Variants in MTMR11 observed in about 807,000 individuals in gnomAD.
MTMR11 encodes myotubularin-related protein 11.
In MTMR11, 89 loss-of-function variants were observed where a neutral mutation model predicts 100.0. The observed-to-expected ratio is 0.89, with a 90% CI of 0.75 to 1.06. The LOEUF (loss-of-function observed/expected upper bound fraction) is 1.06, where lower values mean the gene tolerates loss of function less well. Among genes scored for constraint, MTMR11 ranks in the 50% least tolerant of loss-of-function variants. The pLI is 0.00. For missense variants in MTMR11, 809 were observed against 873.7 expected (o/e 0.93, Z 0.93); for synonymous variants, 336 against 326.3 (o/e 1.03, Z -0.32).
rs112056293 is a variant in MTMR11, at chr1:149,929,956, G to A, written c.1648-40C>T. 4,605 of 1,577,352 alleles carry A rather than the reference G, an allele frequency of 2.9e-3. 91 individuals carry two copies. In the African/African-American group the frequency reaches 0.043, roughly 15 times the overall value. On this transcript the variant is annotated intron_variant, in intron 15 of 16. Transcript: ENST00000439741. ...AAATCAACTGGCAACAGAGAGACCA[G>A]ATAACCCTAGTTTCCCCAATCTGGA...
chr1:149,932,092 G>T, intron 11 of MTMR11, 78 bp from the exon 12 acceptor site: 1 of 1,443,924 alleles, frequency 6.9e-7, no homozygotes, highest in African/African-American at 1.4e-5. Flanking sequence ...GTCATGGGAT[G>T]GAATAAGGCC....
At chr1:149,930,175 G>A in intron 15 of MTMR11, 190 bp downstream of exon 15, 1 of 690,400 alleles carries the variant, frequency 1.4e-6, no homozygotes, top group Non-Finnish European at 2.4e-6. Context: ...GGACAAAAAG[G>A]GTGCCCTCTG....
intron 7 of MTMR11, 109 bp downstream of exon 7, chr1:149,934,082 T>C: frequency 6.4e-7 from 1 of 1,568,840 alleles, no homozygotes; most frequent in Non-Finnish European, 8.7e-7. Context: ...GAGATAGCTT[T>C]GTGGGTGTCC....
In MTMR11 at chr1:149,932,706, G is replaced by T. The variant is rs147657056; in HGVS notation, c.986-376C>A. Among the ~76,000 whole-genome samples the T allele has an allele frequency of 7.2e-5, 11 of 152,202 alleles. No homozygotes were observed. In the East Asian group the frequency reaches 2.1e-3, roughly 30 times the overall value. ...TGTGCCTGTAATCCCAGCGCTTTAG[G>T]AGGCCTTGGTGGGTGGATCATCTGA... is the stretch of plus-strand genomic sequence containing the variant. On this transcript the variant is annotated intron_variant, in intron 10 of 16. Coordinates refer to ENST00000439741, the MANE Select transcript of MTMR11 (RefSeq NM_001145862.2).
Position 149,933,664 on chromosome 1 carries a change from A to T in MTMR11, c.806T>A (p.Leu269His). 2.5e-6 allele frequency: 4 copies of T among 1,614,240 alleles called. No homozygotes were observed. In the South Asian group the frequency reaches 4.4e-5, roughly 18 times the overall value. The change falls in exon 9 of 17, where the codon CTT becomes CAT. Residue 269 changes from leucine (L) to histidine (H), a missense_variant. Coordinates refer to ENST00000439741, the MANE Select transcript of MTMR11 (RefSeq NM_001145862.2). ...LSWHHPGGSD[L>H]LRCGGFYTAS... ...TGTATAGAAGCCTCCACAGCGGAGA[A>T]GATCACTGCCCCCAGGGTGATGCCA...
Position 149,930,565 on chromosome 1 carries a change from G to A in MTMR11, c.1465-18C>T. The A allele has an allele frequency of 6.3e-7, 1 of 1,591,010 alleles. No homozygotes were observed. The highest frequency in any genetic ancestry group is 8.6e-7 in the Non-Finnish European group (1 of 1,165,448). ...GAGTTTAACTGGACAGAGGAAGCAA[G>A]AAAAAGGATGGTTACACACAATCCT... is the stretch of plus-strand genomic sequence containing the variant. On this transcript the variant is annotated intron_variant, in intron 14 of 16. Transcript: ENST00000439741.
chr1:149,933,521 C>A lies in MTMR11; in HGVS notation c.870G>T (p.Glu290Asp). The A allele has an allele frequency of 6.2e-7, 1 of 1,614,118 alleles. No homozygotes were observed. Among genetic ancestry groups the A allele is most frequent in the Middle Eastern group, 1.7e-4 (1 of 6,058 alleles). The stretch of plus-strand genomic sequence containing the variant: ...CTGAATGCCCAGCCTGGAGCATCAA[C>A]TCCACTGCTCTGGAGGGGAGGGAGT... ...DPNKEDIRAV[E>D]LMLQAGHSDV... Residue 290 changes from glutamate to aspartate, a missense_variant, in exon 10 of 17, where the codon GAG becomes GAT. Coordinates refer to ENST00000439741, the MANE Select transcript of MTMR11 (RefSeq NM_001145862.2).
chr1:149,931,457 A>C (rs890285805), intron 12 of MTMR11, 31 bp from the exon 13 acceptor site: 4 of 1,546,514 alleles, frequency 2.6e-6, no homozygotes, highest in Non-Finnish European at 3.5e-6. Context: ...AGGGACAAAG[A>C]AGAGGGGTCC....
chr1:149,932,061 G>A, intron 11 of MTMR11, 47 bp from the exon 12 acceptor site: 1 of 1,547,844 alleles, frequency 6.5e-7, no homozygotes, highest in Non-Finnish European at 8.9e-7. Context: ...TAAGCCTAGG[G>A]GAATGGAGTG....
intron 16 of MTMR11, 95 bp downstream of exon 16, chr1:149,929,528 C>A (rs2092626744): frequency 4.9e-6 from 7 of 1,434,420 alleles, no homozygotes; most frequent in Non-Finnish European, 6.6e-6. Context: ...CCCAGACTCC[C>A]AGAGGCTTCA....
Position 149,930,867 on chromosome 1 carries a change from A to C in MTMR11, c.1389T>G (p.His463Gln). ...GGGTGTCAGGAACCCTGACACTGTC[A>C]TGAAGAGCAAGAAGGAAAAACTCAG... ...EFSEFFLLALHDSVRVPDTLT... is the reference protein window; with the variant it reads ...EFSEFFLLALQDSVRVPDTLT... The change falls in exon 14 of 17, where the codon CAT becomes CAG. Residue 463 changes from histidine to glutamine, a missense_variant. His to Gln is a conservative substitution (Grantham distance 24). Coordinates refer to ENST00000439741, the MANE Select transcript of MTMR11 (RefSeq NM_001145862.2). The C allele has an allele frequency of 6.2e-7, 1 of 1,613,476 alleles. No homozygotes were observed. Among genetic ancestry groups the C allele is most frequent in the Non-Finnish European group, 8.5e-7 (1 of 1,179,746 alleles).
Position 149,936,234 on chromosome 1 carries a change from G to A in MTMR11, c.67-5C>T. 2 of 1,613,334 alleles carry A rather than the reference G, an allele frequency of 1.2e-6. No individual in the cohort carries two copies. The highest frequency in any genetic ancestry group is 1.7e-6 in the Non-Finnish European group (2 of 1,179,978). On this transcript the variant is annotated splice_region_variant and splice_polypyrimidine_tract_variant and intron_variant, in intron 1 of 16. Transcript: ENST00000439741. Reference sequence around the variant, plus strand: ...CATCCTATTTTCCTGGACAGACTTTGGTCCAGAGGGTTGAGGGGGGTCTAG... The same window carrying A: ...CATCCTATTTTCCTGGACAGACTTTAGTCCAGAGGGTTGAGGGGGGTCTAG...
At chr1:149,934,664 T>G in intron 5 of MTMR11, 138 bp from the exon 6 acceptor site, 1 of 933,616 alleles carries the variant, frequency 1.1e-6, no homozygotes, top group Non-Finnish European at 1.6e-6. Context: ...GAAGGGGGCT[T>G]CCTCAGGTCA....
At chr1:149,935,477 G>GATACATTCA in intron 3 of MTMR11, 107 bp downstream of exon 3, 1 of 1,574,690 alleles carries the variant, frequency 6.4e-7, no homozygotes, top group South Asian at 1.1e-5. Context: ...GATTATCAAT[G>GATACATTCA]ATACATTCAA....
At chr1:149,936,127 CTT>C (rs1366434533) in intron 2 of MTMR11, 25 bp downstream of exon 2, 2 of 1,599,960 alleles carry the variant, frequency 1.3e-6, no homozygotes, top group Non-Finnish European at 1.7e-6. Context: ...ATTTGGAAGT[CTT>C]TGGAGAGTGA....
chr1:149,935,955 A>G (rs782118274), intron 2 of MTMR11, among the ~76,000 whole-genome samples, 199 bp downstream of exon 2: 4 of 152,344 alleles, frequency 2.6e-5, no homozygotes, highest in Non-Finnish European at 4.4e-5. Flanking sequence ...GAAAAGGGGT[A>G]ACAGGGTCAA....
chr1:149,930,016 G>T, intron 15 of MTMR11, 100 bp from the exon 16 acceptor site: 2 of 1,243,442 alleles, frequency 1.6e-6, no homozygotes, highest in Non-Finnish European at 2.2e-6. Context: ...CCCACTCACT[G>T]CACTGGTGAC....
chr1:149,930,473 C>G lies in MTMR11; in HGVS notation c.1539G>C (p.Leu513=). The G allele has an allele frequency of 1.2e-6, 2 of 1,614,056 alleles. No homozygotes were observed. The highest frequency in any genetic ancestry group is 1.7e-6 in the Non-Finnish European group (2 of 1,179,954). ...PPAGNSFNLQ[L]SVWDWDLRYS... is the part of the protein sequence containing the mutation. ...AACGTAAATCCCAGTCCCAGACAGA[C>G]AGCTGCAGGTTAAAAGAGTTCCCAG... Residue 513 remains leucine, a synonymous_variant, in exon 15 of 17, where the codon CTG becomes CTC. Transcript: ENST00000439741.
At chr1:149,935,473 C>T in intron 3 of MTMR11, 111 bp downstream of exon 3, 4 of 1,575,400 alleles carry the variant, frequency 2.5e-6, no homozygotes, top group Non-Finnish European at 3.5e-6. Context: ...CACTGATTAT[C>T]AATGATACAT....
Sources: gnomAD v4.1 joint callset for allele counts (sites outside exome capture counted in the v4.1 genomes callset) on GRCh38, gnomAD v4.1.1 for gene constraint, MANE v1.5 for transcripts, NCBI Gene and HGNC (gene_info 2026-07-23, HGNC 2026-07-21) for gene names.